The following GRIP2 variants were observed in gnomAD, a reference collection of about 807,000 sequenced individuals.
GRIP2 encodes glutamate receptor-interacting protein 2.
A neutral mutation model predicts 108.3 loss-of-function variants in GRIP2; 58 were observed. That is an observed-to-expected ratio of 0.54 (90% CI 0.43 to 0.67). The LOEUF (loss-of-function observed/expected upper bound fraction) is 0.67. Ranked by LOEUF, GRIP2 falls within the 30% of genes least tolerant of loss-of-function variation. GRIP2 has a pLI of 0.00. For synonymous variants in GRIP2, 586 were observed against 598.2 expected (o/e 0.98, Z 0.30); for missense variants, 1,278 against 1,430.6 (o/e 0.89, Z 1.72).
At chr3:14,552,794 T>C (rs536881581) in intron 1 of GRIP2, among the ~76,000 whole-genome samples, 13 of 152,272 alleles carry the variant, frequency 8.5e-5, no homozygotes, top group Admixed American at 2.6e-4. Context: ...GGTTTCACCA[T>C]GTTAGGCAGG....
chr3:14,543,733 C>T (rs932724617), upstream of GRIP2, among the ~76,000 whole-genome samples: 1 of 152,194 alleles, frequency 6.6e-6, no homozygotes, highest in African/African-American at 2.4e-5. Flanking sequence ...CTGTGGGTGA[C>T]ATGCGAGGGG....
At chr3:14,577,055 T>C in the GRIP2 span, among the ~76,000 whole-genome samples, 2 of 152,268 alleles carry the variant, frequency 1.3e-5, no homozygotes, top group African/African-American at 4.8e-5. Context: ...TCTACCACTG[T>C]GGAGTTCCTT....
At chr3:14,535,293 A>C (rs911071342) in intron 1 of GRIP2, among the ~76,000 whole-genome samples, 1 of 152,204 alleles carries the variant, frequency 6.6e-6, no homozygotes, top group African/African-American at 2.4e-5. Flanking sequence ...TCGGCTGCCA[A>C]CTGGCTAAGG....
intron 11 of GRIP2, among the ~76,000 whole-genome samples, chr3:14,515,466 T>G (rs573225687): frequency 3.3e-5 from 5 of 152,150 alleles, no homozygotes; most frequent in Non-Finnish European, 7.3e-5. Context: ...TATATTTGCA[T>G]CATTAATATG....
chr3:14,570,675 T>G, the GRIP2 span, among the ~76,000 whole-genome samples: 3 of 152,222 alleles, frequency 2.0e-5, no homozygotes, highest in African/African-American at 7.2e-5. Context: ...TTTCAATAAC[T>G]CATTGTTAGT....
the GRIP2 span, among the ~76,000 whole-genome samples, chr3:14,593,541 T>C: frequency 0.22 from 33,492 of 152,202 alleles, 4,285 homozygotes; most frequent in Middle Eastern, 0.3. Context: ...AGAGCTCCTA[T>C]AGTTCTCCCA....
At chr3:14,573,970 G>C in the GRIP2 span, 1 of 1,084,650 alleles carries the variant, frequency 9.2e-7, no homozygotes, top group African/African-American at 1.5e-5. Flanking sequence ...TGCACCTGCG[G>C]ATCCTGGCAT....
upstream of GRIP2, among the ~76,000 whole-genome samples, chr3:14,559,974 T>C (rs147806290): frequency 1.1e-3 from 165 of 152,302 alleles, no homozygotes; most frequent in African/African-American, 3.7e-3. Context: ...CATCTGAGGA[T>C]GGGCTTGGTG....
rs905524066 is a variant in GRIP2 at position 14,511,537 on chromosome 3, C to T, written c.1721-58G>A. 1.8e-5 allele frequency: 28 copies of T among 1,552,578 alleles called. No homozygotes were observed. The highest frequency in any genetic ancestry group is 2.3e-4 in the Middle Eastern group (1 of 4,436). ...GTGGCCTCAGCCTGGGGTGGGGTGGCGAAGCCCAGGGGTCTGAGTGTGGAC... is the reference window on the plus strand; with the variant it reads ...GTGGCCTCAGCCTGGGGTGGGGTGGTGAAGCCCAGGGGTCTGAGTGTGGAC... On this transcript the variant is annotated intron_variant, in intron 14 of 23. Coordinates refer to ENST00000621039, the MANE Select transcript of GRIP2 (RefSeq NM_001080423.4). This position sits in a 1 kb window ranked among gnomAD's most constrained non-coding sequence, Gnocchi z 4.1.
At chr3:14,515,455 A>C (rs1353248450) in intron 11 of GRIP2, among the ~76,000 whole-genome samples, 3 of 152,118 alleles carry the variant, frequency 2.0e-5, no homozygotes, top group Non-Finnish European at 4.4e-5. Flanking sequence ...CATATATGAA[A>C]TATATTTGCA....
chr3:14,597,116 A>C, the GRIP2 span, among the ~76,000 whole-genome samples: 1 of 152,216 alleles, frequency 6.6e-6, no homozygotes, highest in Non-Finnish European at 1.5e-5. Flanking sequence ...CAGCAAGTGC[A>C]AAGGCCCTGG....
At chr3:14,574,350 A>C in the GRIP2 span, 1 of 991,600 alleles carries the variant, frequency 1.0e-6, no homozygotes, top group Non-Finnish European at 1.6e-6. Context: ...CGGCACAGCG[A>C]TGCGCTGGTT....
the GRIP2 span, among the ~76,000 whole-genome samples, chr3:14,595,938 G>T: frequency 4.6e-5 from 7 of 152,238 alleles, no homozygotes; most frequent in Non-Finnish European, 1.0e-4. Flanking sequence ...TTCTGAGCTG[G>T]GCACTTCAGA....
the GRIP2 span, among the ~76,000 whole-genome samples, chr3:14,571,659 G>T: frequency 3.3e-5 from 5 of 152,180 alleles, no homozygotes; most frequent in African/African-American, 9.7e-5. Context: ...CCTGGCAGGG[G>T]AGCTGGAGGA....
At chr3:14,591,812 G>A in the GRIP2 span, among the ~76,000 whole-genome samples, 1 of 152,302 alleles carries the variant, frequency 6.6e-6, no homozygotes, top group African/African-American at 2.4e-5. Context: ...GACTACACAG[G>A]AGTGAGTCCC....
At chr3:14,563,762 T>G in the GRIP2 span, among the ~76,000 whole-genome samples, 4 of 152,048 alleles carry the variant, frequency 2.6e-5, no homozygotes, top group African/African-American at 9.7e-5. Context: ...TAGTGCTGAA[T>G]CAGAAACTTG....
chr3:14,542,113 C>G, upstream of GRIP2: 2 of 1,238,670 alleles, frequency 1.6e-6, no homozygotes, highest in Non-Finnish European at 2.2e-6. Context: ...AGATCTGCCC[C>G]TTCTTTCTCC....
Position 14,493,446 on chromosome 3 carries a change from C to T in GRIP2, c.*219G>A, listed in dbSNP as rs933563067. 3.0e-5 allele frequency: 17 copies of T among 561,508 alleles called. No individual in the cohort carries two copies. Among genetic ancestry groups the T allele is most frequent in the Admixed American group, 1.4e-4 (4 of 28,694 alleles). 34.8% of individuals were successfully genotyped at this position (561,508 alleles called of 1,614,324 possible). On this transcript the variant is annotated 3_prime_UTR_variant, in exon 24 of 24. Coordinates refer to ENST00000621039, the MANE Select transcript of GRIP2 (RefSeq NM_001080423.4). ...TGGGCATCTTGGAGACCCAACTTGGCGAGAGACCCCAGCTGTCACTCCAAC... is the reference window on the plus strand; with the variant it reads ...TGGGCATCTTGGAGACCCAACTTGGTGAGAGACCCCAGCTGTCACTCCAAC...
chr3:14,537,746 G>A (rs1158537538), intron 1 of GRIP2, among the ~76,000 whole-genome samples: 4 of 152,156 alleles, frequency 2.6e-5, no homozygotes, highest in African/African-American at 9.7e-5. Context: ...CGGAGGAGTG[G>A]GTAGCCCAGG....
Sources: gnomAD v4.1 joint callset for allele counts (sites outside exome capture counted in the v4.1 genomes callset) on GRCh38, gnomAD v4.1.1 for gene constraint, Gnocchi (gnomAD v3.1) non-coding constraint, MANE v1.5 for transcripts, NCBI Gene and HGNC (gene_info 2026-07-23, HGNC 2026-07-21) for gene names.